Variants in ADCK1 observed in about 807,000 individuals in gnomAD.
The protein encoded by ADCK1 is aarF domain containing kinase 1.
ADCK1 carries 41 observed loss-of-function variants against 52.3 expected under a neutral mutation model. The observed-to-expected ratio is 0.78, with a 90% CI of 0.61 to 1.02. The LOEUF (loss-of-function observed/expected upper bound fraction) is 1.02, where lower values mean the gene tolerates loss of function less well. Ranked by LOEUF, ADCK1 falls within the 50% of genes least tolerant of loss-of-function variation. The pLI is 0.00. For synonymous variants in ADCK1, 250 were observed against 274.6 expected (o/e 0.91, Z 0.89); for missense variants, 658 against 679.5 (o/e 0.97, Z 0.35).
intron 3 of ADCK1, among the ~76,000 whole-genome samples, chr14:77,853,465 A>T (rs1398155331): frequency 6.6e-6 from 1 of 152,128 alleles, no homozygotes; most frequent in Non-Finnish European, 1.5e-5. Context: ...TATTCTTATA[A>T]ATATTGAGCT....
At chr14:77,913,361 G>A (rs1027593684) in intron 7 of ADCK1, among the ~76,000 whole-genome samples, 12 of 152,212 alleles carry the variant, frequency 7.9e-5, no homozygotes, top group African/African-American at 2.4e-4. Flanking sequence ...CCCTGCCCAG[G>A]GGTGCCCACC....
chr14:77,800,998 G>A (rs2081097269), intron 1 of ADCK1, among the ~76,000 whole-genome samples: 1 of 152,210 alleles, frequency 6.6e-6, no homozygotes, highest in Non-Finnish European at 1.5e-5. Context: ...GGGAGGCCAA[G>A]ATGGGAGGAT....
At chr14:77,831,505 G>T (rs1224714853) in intron 3 of ADCK1, among the ~76,000 whole-genome samples, 1 of 152,166 alleles carries the variant, frequency 6.6e-6, no homozygotes, top group African/African-American at 2.4e-5. Context: ...AGGGTGTTTT[G>T]GGTTGGAGTA....
chr14:77,841,392 G>A (rs4448861), intron 3 of ADCK1, among the ~76,000 whole-genome samples: 128,247 of 152,090 alleles, frequency 0.84, 54,247 homozygotes, highest in Middle Eastern at 0.93. Flanking sequence ...CTCCTACGTG[G>A]CAGTGAAGAG....
chr14:77,853,923 C>G (rs1214140154), intron 3 of ADCK1, among the ~76,000 whole-genome samples: 1 of 152,212 alleles, frequency 6.6e-6, no homozygotes, highest in Non-Finnish European at 1.5e-5. Flanking sequence ...CCCTCCCTGC[C>G]ACTTCAGCCT....
intron 3 of ADCK1, among the ~76,000 whole-genome samples, chr14:77,823,242 G>A (rs903599610): frequency 6.6e-6 from 1 of 152,052 alleles, no homozygotes; most frequent in Non-Finnish European, 1.5e-5. Context: ...CTCCTCCAGA[G>A]AGAGGTTTGT....
chr14:77,924,085 T>G, intron 7 of ADCK1: 1 of 166,490 alleles, frequency 6.0e-6, no homozygotes, highest in Non-Finnish European at 1.2e-5. Context: ...ATTCTCAGCT[T>G]TGGGGGGAAA....
chr14:77,878,479 G>A (rs1354468407), intron 4 of ADCK1, among the ~76,000 whole-genome samples: 2 of 152,218 alleles, frequency 1.3e-5, no homozygotes, highest in Admixed American at 1.3e-4. Context: ...AGGGGGAGGT[G>A]GTGGGTTCTC....
intron 1 of ADCK1, among the ~76,000 whole-genome samples, chr14:77,808,225 AT>A (rs911756098): frequency 6.6e-6 from 1 of 152,168 alleles, no homozygotes; most frequent in African/African-American, 2.4e-5. Context: ...AGCCAGGCAG[AT>A]TTCTCATGGG....
rs71128696 is a variant in ADCK1 at position 77,841,674 on chromosome 14, C to CA, written c.220-17380dup. Among the ~76,000 whole-genome samples the CA allele has an allele frequency of 8.5e-3, 631 of 74,242 alleles. 9 individuals carry two copies. The highest frequency in any genetic ancestry group is 0.033 in the African/African-American group (514 of 15,696). The allele number at this position is 74,242 out of a possible 152,430, so 48.7% of individuals were successfully genotyped here. On this transcript the variant is annotated intron_variant, in intron 3 of 10. Coordinates refer to ENST00000238561, the MANE Select transcript of ADCK1 (RefSeq NM_020421.4). ...TGAAACCCCATCTCTACTAAAAATA[C>CA]AAAAAAAAAAAAAAAAAAAAAATTA...
chr14:77,859,221 C>A lies in ADCK1; in HGVS notation c.365C>A (p.Ala122Asp). The A allele has an allele frequency of 6.2e-7, 1 of 1,614,040 alleles. No homozygotes were observed. Among genetic ancestry groups the A allele is most frequent in the Non-Finnish European group, 8.5e-7 (1 of 1,179,996 alleles). Residue 122 changes from alanine (A) to aspartate (D), a missense_variant, in exon 4 of 11, where the codon GCT becomes GAT. Transcript: ENST00000238561. ...TSTLKVLHSQ[A>D]PQSSMQEIRQ... ...ACGCTGAAGGTACTGCACAGCCAGGCTCCACAGAGCAGCATGCAAGAGATC... is the reference window on the plus strand; with the variant it reads ...ACGCTGAAGGTACTGCACAGCCAGGATCCACAGAGCAGCATGCAAGAGATC...
chr14:77,856,249 A>G (rs1283071665), intron 3 of ADCK1, among the ~76,000 whole-genome samples: 2 of 152,168 alleles, frequency 1.3e-5, no homozygotes, highest in Admixed American at 1.3e-4. Context: ...AAACTTATAT[A>G]GAAGAAAAAA....
At chr14:77,874,499 G>A (rs1237499371) in intron 4 of ADCK1, among the ~76,000 whole-genome samples, 2 of 152,182 alleles carry the variant, frequency 1.3e-5, no homozygotes, top group Non-Finnish European at 2.9e-5. Context: ...TGTCACCTGA[G>A]GGTGGGGTCT....
intron 3 of ADCK1, among the ~76,000 whole-genome samples, chr14:77,835,245 G>A (rs140832930): frequency 2.3e-4 from 35 of 152,206 alleles, no homozygotes; most frequent in South Asian, 1.9e-3. Flanking sequence ...TAAAAAATGC[G>A]AAATATTTAA....
intron 7 of ADCK1, chr14:77,914,399 T>G: frequency 1.0e-6 from 1 of 985,464 alleles, no homozygotes; most frequent in Admixed American, 6.1e-5. Flanking sequence ...TTGCTATGCT[T>G]CTTCTAGTAG....
chr14:77,914,814 A>G (rs1379721865), intron 7 of ADCK1, among the ~76,000 whole-genome samples: 1 of 152,202 alleles, frequency 6.6e-6, no homozygotes, highest in Non-Finnish European at 1.5e-5. Context: ...TCACAGAGGC[A>G]TGTCTTCCTC....
chr14:77,824,121 A>G (rs918388332), intron 3 of ADCK1, among the ~76,000 whole-genome samples: 7 of 148,070 alleles, frequency 4.7e-5, no homozygotes, highest in African/African-American at 1.8e-4. Flanking sequence ...CTGGTCTTGA[A>G]CTCCTGGCCT....
intron 4 of ADCK1, among the ~76,000 whole-genome samples, chr14:77,861,888 A>G (rs924945393): frequency 6.6e-6 from 1 of 152,222 alleles, no homozygotes; most frequent in Non-Finnish European, 1.5e-5. Flanking sequence ...GCATTTCTGG[A>G]TCAGCCAGAA....
At chr14:77,843,657 T>C (rs1009872973) in intron 3 of ADCK1, among the ~76,000 whole-genome samples, 1 of 152,190 alleles carries the variant, frequency 6.6e-6, no homozygotes. Context: ...TTGCAGCCCA[T>C]TTGCTGTTTG....
Sources: gnomAD v4.1 joint callset for allele counts (sites outside exome capture counted in the v4.1 genomes callset) on GRCh38, gnomAD v4.1.1 for gene constraint, MANE v1.5 for transcripts, NCBI Gene and HGNC (gene_info 2026-07-23, HGNC 2026-07-21) for gene names.